Variants in ABCG5 observed in about 807,000 individuals in gnomAD.
ABCG5 encodes the protein ATP-binding cassette sub-family G member 5.
Under a neutral mutation model 64.5 loss-of-function variants are expected in ABCG5, and 64 were observed. The observed-to-expected ratio is 0.99, with a 90% CI of 0.81 to 1.22. The LOEUF (loss-of-function observed/expected upper bound fraction) is 1.22, where lower values mean the gene tolerates loss of function less well. Among genes scored for constraint, ABCG5 ranks in the 50% most tolerant of loss-of-function variants. ABCG5 has a pLI of 0.00. For missense variants in ABCG5, 908 were observed against 829.5 expected, an observed-to-expected ratio of 1.09 and a Z score of -1.16; for synonymous variants, 385 against 326.3, an observed-to-expected ratio of 1.18 and a Z score of -1.94.
chr2:43,809,290 C>G (rs898084773), downstream of ABCG5, among the ~76,000 whole-genome samples: 2 of 152,082 alleles, frequency 1.3e-5, no homozygotes, highest in South Asian at 4.1e-4. Context: ...CCGCACCCAG[C>G]CTGGGTATGT....
chr2:43,813,348 T>C (rs1259205263), intron 12 of ABCG5, 39 bp from the exon 13 acceptor site: 2 of 1,443,098 alleles, frequency 1.4e-6, no homozygotes, highest in Admixed American at 3.4e-5. Context: ...GTGTGGTTTA[T>C]CTCAGGTAAT....
rs757537317 is a variant in ABCG5 at position 43,814,512 on chromosome 2, A to G, written c.1727T>C (p.Val576Ala). 76 of 1,608,788 alleles carry G rather than the reference A, an allele frequency of 4.7e-5. 1 individual carries two copies. The South Asian group carries it at 6.5e-4, about 14-fold the overall frequency. The change falls in exon 12 of 13, where the codon GTA becomes GCA. Residue 576 changes from valine (V) to alanine (A), a missense_variant. Transcript: ENST00000405322. Reference sequence around the variant, plus strand: ...ATTCAGTCCGTAGAACTCATTGACTACAAGAATCTCACTGCAATATTTTTG... The same window carrying G: ...ATTCAGTCCGTAGAACTCATTGACTGCAAGAATCTCACTGCAATATTTTTG... ...TFQKYCSEIL[V>A]VNEFYGLNFT...
chr2:43,822,486 C>G (rs1417208872), intron 10 of ABCG5: 1 of 932,846 alleles, frequency 1.1e-6, no homozygotes, highest in African/African-American at 1.8e-5. Flanking sequence ...AGGCCCCCCC[C>G]CATGCACCTG....
chr2:43,812,011 G>T (rs1022076369), downstream of ABCG5, among the ~76,000 whole-genome samples: 3 of 152,012 alleles, frequency 2.0e-5, no homozygotes, highest in African/African-American at 7.2e-5. Context: ...TTTCTAGTAT[G>T]TACCCTGTTC....
intron 12 of ABCG5, among the ~76,000 whole-genome samples, chr2:43,813,708 C>CCTTTTTTTT (rs1558715512): frequency 2.8e-5 from 1 of 35,374 alleles, no homozygotes. Context: ...TTTTTTTTTT[C>CCTTTTTTTT]GTTTTTTTTT....
chr2:43,813,020 G>T lies in ABCG5; in HGVS notation c.*96C>A. ...ATGGTTAAAAGACTTGAGATGTCCT[G>T]TCAAGAAAGAAATACATGGCACTCT... On this transcript the variant is annotated 3_prime_UTR_variant, in exon 13 of 13. Transcript: ENST00000405322. 1.4e-6 allele frequency: 1 copy of T among 727,714 alleles called. No individual in the cohort carries two copies. 45.1% of individuals were successfully genotyped at this position (727,714 alleles called of 1,614,324 possible). A position where few individuals can be genotyped will look rare whatever the true frequency, so the allele number is the denominator to read the frequency against.
intron 11 of ABCG5, among the ~76,000 whole-genome samples, chr2:43,816,473 G>T (rs1349275067): frequency 3.3e-5 from 5 of 152,216 alleles, no homozygotes; most frequent in Admixed American, 2.6e-4. Context: ...CAGACAGAAG[G>T]AGAAGCAGCG....
intron 10 of ABCG5, among the ~76,000 whole-genome samples, chr2:43,821,297 C>T (rs1667181579): frequency 6.6e-6 from 1 of 152,096 alleles, no homozygotes; most frequent in African/African-American, 2.4e-5. Context: ...TCTTTTTGCT[C>T]CTCTCCCCTA....
At position 43,837,898 on chromosome 2, in the gene ABCG5, C is replaced by T; in HGVS notation, c.201G>A (p.Gln67=). The T allele has an allele frequency of 6.2e-7, 1 of 1,614,194 alleles. No individual in the cohort carries two copies. The highest frequency in any genetic ancestry group is 1.1e-5 in the South Asian group (1 of 91,082). The change falls in exon 2 of 13, where the codon CAG becomes CAA. Residue 67 remains glutamine, a synonymous_variant. Coordinates refer to ENST00000405322, the MANE Select transcript of ABCG5 (RefSeq NM_022436.3). ...CGTACAAGGAGACATCTTTGAGGAT[C>T]TGCCTGGTCCACTGCTGCCGGCAAG... ...ITSCRQQWTR[Q]ILKDVSLYVE...
intron 2 of ABCG5, among the ~76,000 whole-genome samples, chr2:43,833,363 A>ATAT (rs67113914): frequency 0.15 from 21,287 of 144,076 alleles, 1,717 homozygotes; most frequent in Middle Eastern, 0.2. Flanking sequence ...TTTTGTTGAA[A>ATAT]TATTATTATT....
chr2:43,813,816 C>G (rs1666642459), intron 12 of ABCG5, among the ~76,000 whole-genome samples: 1 of 137,506 alleles, frequency 7.3e-6, no homozygotes, highest in Admixed American at 8.0e-5. Context: ...CTCCCAGATT[C>G]AAGTGATTCT....
At position 43,814,463 on chromosome 2, in the gene ABCG5, A is replaced by T; in HGVS notation, c.1762+14T>A. ...GTAACATGCAAAAATAATATCCCCAAATAGAATACTTACCACAAGTGAAAT... is the reference window on the plus strand; with the variant it reads ...GTAACATGCAAAAATAATATCCCCATATAGAATACTTACCACAAGTGAAAT... On this transcript the variant is annotated intron_variant, in intron 12 of 12. Coordinates refer to ENST00000405322, the MANE Select transcript of ABCG5 (RefSeq NM_022436.3). 3 of 1,536,558 alleles carry T rather than the reference A, an allele frequency of 2.0e-6. No individual in the cohort carries two copies. The highest frequency in any genetic ancestry group is 2.7e-6 in the Non-Finnish European group (3 of 1,109,942).
chr2:43,834,288 C>G (rs1228553905), intron 2 of ABCG5, among the ~76,000 whole-genome samples: 3 of 152,204 alleles, frequency 2.0e-5, no homozygotes, highest in African/African-American at 7.2e-5. Context: ...GCAGAAGCTG[C>G]AAATATCCTG....
At chr2:43,812,254 C>A (rs890381402), downstream of ABCG5, among the ~76,000 whole-genome samples, 5 of 150,568 alleles carry the variant, frequency 3.3e-5, no homozygotes, top group African/African-American at 1.2e-4. Flanking sequence ...TAAATAACAG[C>A]TGATCTCCAG....
chr2:43,838,821 G>T lies in ABCG5; in HGVS notation c.-142C>A. 6.8e-7 allele frequency: 1 copy of T among 1,469,208 alleles called. No individual in the cohort carries two copies. 91.0% of individuals were successfully genotyped at this position (1,469,208 alleles called of 1,614,324 possible). ...CTTGGGACAGCAGGACTGGGACTTG[G>T]CCACGGAGACCATTATCTGATGTAC... On this transcript the variant is annotated 5_prime_UTR_variant, in exon 1 of 13. Coordinates refer to ENST00000405322, the MANE Select transcript of ABCG5 (RefSeq NM_022436.3). This position sits in a 1 kb window ranked among gnomAD's most constrained non-coding sequence, Gnocchi z 4.2.
Position 43,825,029 on chromosome 2 carries a change from A to C in ABCG5, c.775-11T>G, listed in dbSNP as rs751534445. 1 of 1,613,346 alleles carries C rather than the reference A, an allele frequency of 6.2e-7. No individual in the cohort carries two copies. The highest frequency in any genetic ancestry group is 8.5e-7 in the Non-Finnish European group (1 of 1,179,614). On this transcript the variant is annotated splice_polypyrimidine_tract_variant and intron_variant, in intron 6 of 12. Coordinates refer to ENST00000405322, the MANE Select transcript of ABCG5 (RefSeq NM_022436.3). ...AATTTTGTCAAAGAGCTGACCAGAC[A>C]ACAGACGTAGTTAGTGTGTGATCAC...
At chr2:43,832,278 G>C in intron 2 of ABCG5, 195 bp from the exon 3 acceptor site, 1 of 685,852 alleles carries the variant, frequency 1.5e-6, no homozygotes, top group Admixed American at 2.5e-5. Context: ...GCAGTCTCAC[G>C]CGCAAGTGAG....
At position 43,832,046 on chromosome 2, in the gene ABCG5, C is replaced by G; in HGVS notation, c.303G>C (p.Gly101=). ...GKTTLLDAMS[G]RLGRAGTFLG... Reference sequence around the variant, plus strand: ...GGAAGGTCCCCGCGCGCCCCAGCCTCCCGGACATGGCGTCCAGCAGCGTGG... The same window carrying G: ...GGAAGGTCCCCGCGCGCCCCAGCCTGCCGGACATGGCGTCCAGCAGCGTGG... Residue 101 remains glycine, a synonymous_variant, in exon 3 of 13, where the codon GGG becomes GGC. Coordinates refer to ENST00000405322, the MANE Select transcript of ABCG5 (RefSeq NM_022436.3). 6.3e-7 allele frequency: 1 copy of G among 1,580,220 alleles called. No individual in the cohort carries two copies. The highest frequency in any genetic ancestry group is 8.6e-7 in the Non-Finnish European group (1 of 1,163,628).
In ABCG5 at chr2:43,838,524, G is replaced by C; in HGVS notation, c.143+13C>G. The C allele has an allele frequency of 2.5e-6, 4 of 1,592,996 alleles. No homozygotes were observed. The highest frequency in any genetic ancestry group is 3.4e-6 in the Non-Finnish European group (4 of 1,170,590). On this transcript the variant is annotated intron_variant, in intron 1 of 12. Transcript: ENST00000405322. The surrounding 1 kb of genome is among the most constrained non-coding windows in gnomAD (Gnocchi z 4.2). ...CTCCTGGGGGAGCAGCAGCAGCAAG[G>C]GCTCTGCCTTACCTGACGCTGTAGG...
Sources: allele counts gnomAD v4.1 joint callset (sites outside exome capture counted in the v4.1 genomes callset), GRCh38; gene constraint gnomAD v4.1.1; non-coding constraint Gnocchi (gnomAD v3.1); transcripts MANE v1.5; gene names NCBI Gene and HGNC (gene_info 2026-07-23, HGNC 2026-07-21).